The following SYN2 variants were observed in gnomAD, a reference collection of about 807,000 sequenced individuals.
SYN2 encodes the protein synapsin II.
Under a neutral mutation model 50.9 loss-of-function variants are expected in SYN2, and 19 were observed. The ratio of observed to expected loss-of-function variants is 0.37; its 90% confidence interval spans 0.26 to 0.55. The LOEUF (loss-of-function observed/expected upper bound fraction) is 0.55. Among genes scored for constraint, SYN2 ranks in the 20% least tolerant of loss-of-function variants. The pLI, the probability that SYN2 is intolerant of heterozygous loss-of-function variation, is 0.81. For synonymous variants in SYN2, 255 were observed against 224.9 expected (o/e 1.13, Z -1.20); for missense variants, 587 against 576.4 (o/e 1.02, Z -0.19).
intron 2 of SYN2, 112 bp downstream of exon 2, chr3:12,140,820 C>T: frequency 1.4e-6 from 1 of 705,360 alleles, no homozygotes; most frequent in Non-Finnish European, 2.6e-6. Flanking sequence ...TCATTGGGTT[C>T]TGGACTCTGC....
intron 1 of SYN2, among the ~76,000 whole-genome samples, chr3:12,005,183 A>G (rs1259824506): frequency 6.6e-6 from 1 of 152,044 alleles, no homozygotes; most frequent in Non-Finnish European, 1.5e-5. Context: ...CCCATACAAG[A>G]AGGAGCTACT....
chr3:12,131,989 TTTTTCTTTTTCTTTTTTTTCCTTTC>T (rs1696804959), intron 1 of SYN2, among the ~76,000 whole-genome samples: 1 of 148,772 alleles, frequency 6.7e-6, no homozygotes, highest in South Asian at 2.2e-4. Flanking sequence ...GATTTTTTTC[TTTTTCTTTTTCTTTTTTTTCCTTTC>T]TTTTCTTTTT....
chr3:12,164,632 C>T (rs2125238882), intron 7 of SYN2, among the ~76,000 whole-genome samples: 1 of 152,298 alleles, frequency 6.6e-6, no homozygotes, highest in East Asian at 1.9e-4. Context: ...CTGCAGTAGG[C>T]AATAATGTGG....
At chr3:12,112,361 C>G (rs2125195927) in intron 1 of SYN2, among the ~76,000 whole-genome samples, 1 of 152,168 alleles carries the variant, frequency 6.6e-6, no homozygotes, top group East Asian at 1.9e-4. Flanking sequence ...TTAATTGCCC[C>G]TGTCAAATGA....
chr3:12,072,332 G>T (rs560161695), intron 1 of SYN2, among the ~76,000 whole-genome samples: 40 of 152,184 alleles, frequency 2.6e-4, no homozygotes, highest in Non-Finnish European at 4.1e-4. Context: ...AAGAAATTTT[G>T]TTAAAGTCCA....
chr3:12,179,007 G>T (rs1010534440), intron 10 of SYN2, among the ~76,000 whole-genome samples: 1 of 152,190 alleles, frequency 6.6e-6, no homozygotes, highest in African/African-American at 2.4e-5. Flanking sequence ...AATGGAATGA[G>T]CTGGGCATTT....
chr3:12,183,500 A>G, intron 11 of SYN2, 128 bp downstream of exon 11: 1 of 1,590,512 alleles, frequency 6.3e-7, no homozygotes, highest in South Asian at 1.1e-5. Context: ...ACGAAAGGAA[A>G]GCGGGGAGGG....
chr3:12,167,397 G>T (rs932536731), intron 8 of SYN2, 89 bp downstream of exon 8: 2 of 1,377,640 alleles, frequency 1.5e-6, no homozygotes, highest in Admixed American at 3.9e-5. Flanking sequence ...TCTGTCCAAA[G>T]GGAGTCATGG....
chr3:12,106,076 C>T (rs930617365), intron 1 of SYN2, among the ~76,000 whole-genome samples: 4 of 152,148 alleles, frequency 2.6e-5, no homozygotes, highest in African/African-American at 4.8e-5. Flanking sequence ...AATCTGTTTC[C>T]AAGCTCATTC....
intron 4 of SYN2, among the ~76,000 whole-genome samples, chr3:12,150,454 G>A (rs1421539926): frequency 1.3e-5 from 2 of 152,204 alleles, no homozygotes; most frequent in African/African-American, 4.8e-5. Context: ...GTGACTTTGG[G>A]CAAGTGACCT....
chr3:12,068,196 C>T (rs111510723), intron 1 of SYN2, among the ~76,000 whole-genome samples: 4,652 of 149,786 alleles, frequency 0.031, 120 homozygotes, highest in Non-Finnish European at 0.041. Flanking sequence ...CTGAAAAAAG[C>T]TCAACCTTTC....
chr3:12,138,430 T>G (rs1169879729), intron 1 of SYN2, among the ~76,000 whole-genome samples: 1 of 152,074 alleles, frequency 6.6e-6, no homozygotes, highest in African/African-American at 2.4e-5. Context: ...CCAGCCAGAG[T>G]CTATAAATAT....
At chr3:12,134,042 G>A (rs1008557301) in intron 1 of SYN2, among the ~76,000 whole-genome samples, 13 of 152,160 alleles carry the variant, frequency 8.5e-5, no homozygotes, top group African/African-American at 2.9e-4. Context: ...GTGGTTGCAC[G>A]ACATTGTGAA....
chr3:12,039,116 G>C (rs1694559338), intron 1 of SYN2, among the ~76,000 whole-genome samples: 1 of 152,028 alleles, frequency 6.6e-6, no homozygotes, highest in Non-Finnish European at 1.5e-5. Flanking sequence ...ATCATGAAAG[G>C]GTGTTGGATT....
chr3:12,033,236 G>C (rs2125143706), intron 1 of SYN2, among the ~76,000 whole-genome samples: 1 of 152,274 alleles, frequency 6.6e-6, no homozygotes, highest in South Asian at 2.1e-4. Flanking sequence ...CAGTCTGCCT[G>C]TTCTCAGATC....
intron 1 of SYN2, among the ~76,000 whole-genome samples, chr3:12,118,582 T>C (rs1696485057): frequency 6.6e-6 from 1 of 152,222 alleles, no homozygotes; most frequent in South Asian, 2.1e-4. Context: ...TTCTTCCTCC[T>C]TCATAGACTT....
intron 1 of SYN2, among the ~76,000 whole-genome samples, chr3:12,045,135 T>C (rs113719113): frequency 3.0e-4 from 45 of 152,348 alleles, no homozygotes; most frequent in African/African-American, 1.1e-3. Context: ...TGTCTCATTC[T>C]ACTGTACCAC....
At chr3:12,158,747 A>G in intron 5 of SYN2, 2 of 1,608,742 alleles carry the variant, frequency 1.2e-6, no homozygotes, top group Non-Finnish European at 1.7e-6. Context: ...GCCGGGGCGC[A>G]GCTGCATGCC....
At chr3:12,158,633 G>T in intron 5 of SYN2, 2 of 1,588,698 alleles carry the variant, frequency 1.3e-6, no homozygotes. Flanking sequence ...GACTCCTGGT[G>T]TACTGCTGGC....
Sources: allele counts gnomAD v4.1 joint callset (sites outside exome capture counted in the v4.1 genomes callset), GRCh38; gene constraint gnomAD v4.1.1; transcripts MANE v1.5; gene names NCBI Gene and HGNC (gene_info 2026-07-23, HGNC 2026-07-21).